The following TNRC6A variants were observed in gnomAD, a reference collection of about 807,000 sequenced individuals.
The protein encoded by TNRC6A is trinucleotide repeat containing adaptor 6A.
Under a neutral mutation model 221.2 loss-of-function variants are expected in TNRC6A, and 44 were observed. The ratio of observed to expected loss-of-function variants is 0.20; its 90% confidence interval spans 0.16 to 0.26. The LOEUF is 0.26. Ranked by LOEUF, TNRC6A falls within the 10% of genes least tolerant of loss-of-function variation. TNRC6A has a pLI of 1.00. For synonymous variants in TNRC6A, 847 were observed against 838.5 expected (o/e 1.01, Z -0.18); for missense variants, 2,199 against 2,404.4 (o/e 0.91, Z 1.79).
chr16:24,698,589 C>T (rs546282223), intron 2 of TNRC6A, among the ~76,000 whole-genome samples: 2 of 152,296 alleles, frequency 1.3e-5, no homozygotes, highest in African/African-American at 4.8e-5. Flanking sequence ...AGTGCATAAA[C>T]TGAGGCATGG....
At chr16:24,664,246 C>T (rs527907834) in intron 2 of TNRC6A, among the ~76,000 whole-genome samples, 10 of 151,706 alleles carry the variant, frequency 6.6e-5, no homozygotes, top group Non-Finnish European at 1.5e-4. Context: ...GCAGGAGAAT[C>T]GTTGCACCTT....
At chr16:24,616,251 G>A (rs747077548) in intron 1 of TNRC6A, among the ~76,000 whole-genome samples, 23 of 150,856 alleles carry the variant, frequency 1.5e-4, no homozygotes, top group African/African-American at 5.6e-4. Context: ...ACTTGAACCC[G>A]GGAGGCAGAG....
At chr16:24,648,919 G>A (rs1490201654) in intron 2 of TNRC6A, among the ~76,000 whole-genome samples, 1 of 151,998 alleles carries the variant, frequency 6.6e-6, no homozygotes, top group Non-Finnish European at 1.5e-5. Context: ...ACAGCAAGTT[G>A]CAACTGTCAT....
intron 1 of TNRC6A, 113 bp downstream of exon 1, chr16:24,729,959 T>G: frequency 1.0e-6 from 1 of 984,388 alleles, no homozygotes; most frequent in Non-Finnish European, 1.3e-6. Context: ...CCCCGAGACT[T>G]CGGGCCTCGG....
intron 11 of TNRC6A, among the ~76,000 whole-genome samples, chr16:24,798,995 C>A (rs931140641): frequency 2.0e-5 from 3 of 152,136 alleles, no homozygotes; most frequent in African/African-American, 7.2e-5. Flanking sequence ...TCTAAGATAC[C>A]AGTGAAGGCA....
In TNRC6A at chr16:24,743,233, T is replaced by C. The variant is rs1474876403; in HGVS notation, c.54-7493T>C. Among the ~76,000 whole-genome samples, 5 of 152,192 alleles carry C rather than the reference T, an allele frequency of 3.3e-5. No homozygotes were observed. In the East Asian group the frequency reaches 7.7e-4, roughly 23 times the overall value. ...TAATATCTCAGAGTACTTTGTAAAT[T>C]GTAGGTGTTTCTGTCCTTATGGTGG... On this transcript the variant is annotated intron_variant, in intron 2 of 24. Transcript: ENST00000395799.
chr16:24,745,527 G>A (rs2151338216), intron 2 of TNRC6A, among the ~76,000 whole-genome samples: 1 of 152,334 alleles, frequency 6.6e-6, no homozygotes, highest in East Asian at 1.9e-4. Flanking sequence ...GTAACATACA[G>A]CTGGCTTCTA....
In TNRC6A at chr16:24,630,880, A is replaced by T. The variant is rs1363910974; in HGVS notation, n.277-10004A>T. Among the ~76,000 whole-genome samples the T allele has an allele frequency of 5.9e-5, 9 of 152,238 alleles. No individual in the cohort carries two copies. In the East Asian group the frequency reaches 1.7e-3, roughly 29 times the overall value. On this transcript the variant is annotated intron_variant and non_coding_transcript_variant, in intron 1 of 2. Coordinates refer to the TNRC6A transcript ENST00000566108. ...CAGTGCCTGGGAGAGGCTGCTGCCC[A>T]GATCCAAGGGATGTGGTATGTGCCT... is the stretch of plus-strand genomic sequence containing the variant.
chr16:24,789,556 G>A lies in TNRC6A; in HGVS notation c.914G>A (p.Gly305Asp), dbSNP rs2058050489. The A allele has an allele frequency of 1.2e-6, 2 of 1,613,990 alleles. No homozygotes were observed. The highest frequency in any genetic ancestry group is 1.1e-5 in the South Asian group (1 of 91,076). The change falls in exon 6 of 25, where the codon GGC (glycine) becomes GAC (aspartate). Residue 305 changes from glycine (G) to aspartate (D), a missense_variant. By Grantham distance (94) the Gly-to-Asp change is moderately conservative (BLOSUM62 -1). Coordinates refer to ENST00000395799, the MANE Select transcript of TNRC6A (RefSeq NM_014494.4). ...FVVGSSSNNVGHGSSTGPWGF... is the reference protein window; with the variant it reads ...FVVGSSSNNVDHGSSTGPWGF... ...GTTGGTAGCAGCAGCAATAATGTGG[G>A]CCATGGAAGTAGTACTGGGCCATGG... is the stretch of plus-strand genomic sequence containing the variant.
At chr16:24,763,024 A>G (rs1204188557) in intron 4 of TNRC6A, among the ~76,000 whole-genome samples, 1 of 152,154 alleles carries the variant, frequency 6.6e-6, no homozygotes, top group Non-Finnish European at 1.5e-5. Flanking sequence ...AATTTTGTGA[A>G]TCAGAGAATT....
intron 4 of TNRC6A, among the ~76,000 whole-genome samples, chr16:24,775,912 A>G (rs1397326082): frequency 1.3e-5 from 2 of 152,380 alleles, no homozygotes; most frequent in Non-Finnish European, 2.9e-5. Context: ...ACCAAAGTAT[A>G]AGGTGGTATT....
chr16:24,672,475 G>A (rs1338277148), intron 2 of TNRC6A, among the ~76,000 whole-genome samples: 1 of 142,368 alleles, frequency 7.0e-6, no homozygotes, highest in Non-Finnish European at 1.5e-5. Context: ...AGGGTCTCAC[G>A]AAGTCACCCA....
intron 1 of TNRC6A, among the ~76,000 whole-genome samples, chr16:24,640,710 C>CAA (rs35368171): frequency 1.0e-5 from 1 of 95,810 alleles, no homozygotes; most frequent in East Asian, 3.7e-4. Flanking sequence ...GCCTGGGCGA[C>CAA]AAAAAAAAAA....
chr16:24,647,874 G>T (rs1022281130), intron 2 of TNRC6A, among the ~76,000 whole-genome samples: 3 of 152,008 alleles, frequency 2.0e-5, no homozygotes, highest in African/African-American at 7.2e-5. Context: ...GCCTCCCAAA[G>T]TGCTGGGATT....
At chr16:24,651,566 A>G (rs1461444656) in intron 2 of TNRC6A, among the ~76,000 whole-genome samples, 1 of 137,578 alleles carries the variant, frequency 7.3e-6, no homozygotes, top group Non-Finnish European at 1.6e-5. Flanking sequence ...AAAAAAAAAC[A>G]TAAAATAGAC....
intron 12 of TNRC6A, 21 bp from the exon 13 acceptor site, chr16:24,804,684 T>C (rs2058394530): frequency 6.4e-7 from 1 of 1,560,310 alleles, no homozygotes. Flanking sequence ...GTGTTGCACA[T>C]CTTTCTGTCT....
chr16:24,676,878 T>A, intron 2 of TNRC6A, among the ~76,000 whole-genome samples: 1 of 152,184 alleles, frequency 6.6e-6, no homozygotes, highest in East Asian at 1.9e-4. Flanking sequence ...TTTTGCTTGT[T>A]CCTTTTACTT....
At chr16:24,694,177 C>T (rs1029612500) in intron 2 of TNRC6A, among the ~76,000 whole-genome samples, 3 of 152,098 alleles carry the variant, frequency 2.0e-5, no homozygotes, top group Admixed American at 6.6e-5. Flanking sequence ...TCTTACAACA[C>T]CCAGGGAAAG....
At chr16:24,687,874 G>GAAGAAGAAGAAGAAGAA (rs2055666051) in intron 2 of TNRC6A, among the ~76,000 whole-genome samples, 1 of 150,254 alleles carries the variant, frequency 6.7e-6, no homozygotes, top group Non-Finnish European at 1.5e-5. Context: ...AGAAGAAGAA[G>GAAGAAGAAGAAGAAGAA]AAGAAGAAGC....
Sources: gnomAD v4.1 joint callset for allele counts (sites outside exome capture counted in the v4.1 genomes callset) on GRCh38, gnomAD v4.1.1 for gene constraint, MANE v1.5 for transcripts, NCBI Gene and HGNC (gene_info 2026-07-23, HGNC 2026-07-21) for gene names.